Variants in SDHB observed in about 807,000 individuals in gnomAD.
SDHB encodes the protein succinate dehydrogenase complex iron sulfur subunit B.
In SDHB, 21 loss-of-function variants were observed where a neutral mutation model predicts 39.7. The observed-to-expected ratio is 0.53, with a 90% CI of 0.37 to 0.76. The LOEUF is 0.76. Among genes scored for constraint, SDHB ranks in the 30% least tolerant of loss-of-function variants. The pLI is 0.00. For synonymous variants in SDHB, 118 were observed against 117.0 expected (o/e 1.01, Z -0.06); for missense variants, 343 against 350.9 (o/e 0.98, Z 0.18).
intron 3 of SDHB, among the ~76,000 whole-genome samples, chr1:17,029,093 GTTTTTT>G (rs746243819): frequency 2.8e-4 from 20 of 72,026 alleles, no homozygotes; most frequent in East Asian, 5.3e-4. Context: ...AAATCAGCCT[GTTTTTT>G]TTTTTTTTTT....
intron 2 of SDHB, among the ~76,000 whole-genome samples, chr1:17,034,035 A>G (rs552484231): frequency 1.3e-5 from 2 of 152,342 alleles, no homozygotes; most frequent in African/African-American, 2.4e-5. Flanking sequence ...AGTGCTCCAC[A>G]AATCTATTTT....
intron 5 of SDHB, 41 bp from the exon 6 acceptor site, chr1:17,024,115 G>A (rs1314955071): frequency 2.9e-6 from 4 of 1,383,230 alleles, no homozygotes; most frequent in East Asian, 4.6e-5. Flanking sequence ...TGTGACGGGA[G>A]AGACTCTGCT....
At chr1:17,026,875 C>T (rs1011979422) in intron 5 of SDHB, among the ~76,000 whole-genome samples, 1 of 152,200 alleles carries the variant, frequency 6.6e-6, no homozygotes, top group Non-Finnish European at 1.5e-5. Flanking sequence ...AGGTGATCCT[C>T]CTACCTCAGC....
In SDHB at chr1:17,035,576, G is replaced by A. The variant is rs145445185; in HGVS notation, c.201-2431C>T. On this transcript the variant is annotated intron_variant, in intron 2 of 7. Transcript: ENST00000375499. ...CCTATAAAAATTTCAAATTGGCCAGGTGGGTGGCTCACGCCTGTAATCCCA... is the reference window on the plus strand; with the variant it reads ...CCTATAAAAATTTCAAATTGGCCAGATGGGTGGCTCACGCCTGTAATCCCA... Among the ~76,000 whole-genome samples the A allele has an allele frequency of 2.6e-3, 392 of 152,172 alleles. 1 individual carries two copies. The highest frequency in any genetic ancestry group is 9.1e-3 in the African/African-American group (378 of 41,520).
At chr1:17,033,736 G>A (rs2078035039) in intron 2 of SDHB, among the ~76,000 whole-genome samples, 1 of 152,252 alleles carries the variant, frequency 6.6e-6, no homozygotes, top group Non-Finnish European at 1.5e-5. Context: ...TTACCAGCTT[G>A]CAGGCAAATG....
At chr1:17,050,850 T>C (rs2078142615) in intron 1 of SDHB, among the ~76,000 whole-genome samples, 1 of 152,206 alleles carries the variant, frequency 6.6e-6, no homozygotes, top group South Asian at 2.1e-4. Context: ...AAAAATTCGT[T>C]GAATACATAT....
intron 7 of SDHB, among the ~76,000 whole-genome samples, chr1:17,020,886 T>A (rs1557738825): frequency 2.0e-5 from 3 of 152,154 alleles, no homozygotes; most frequent in African/African-American, 4.8e-5. Context: ...ACAGAGGGTT[T>A]CCAGGCAAAA....
rs397835910 is a variant in SDHB, at chr1:17,049,647, C to CTTTTTTTTTTTTTTTTT, written c.72+4284_72+4300dup. ...GGGACTGGAGCATAATCCCCTAGTT[C>CTTTTTTTTTTTTTTTTT]TTTTTTTTTTTTTTTTTTTTTTTTT... On this transcript the variant is annotated intron_variant, in intron 1 of 7. Transcript: ENST00000375499. Among the ~76,000 whole-genome samples the CTTTTTTTTTTTTTTTTT allele has an allele frequency of 1.1e-3, 59 of 52,064 alleles. 9 individuals are homozygous for CTTTTTTTTTTTTTTTTT. Among genetic ancestry groups the CTTTTTTTTTTTTTTTTT allele is most frequent in the African/African-American group, 3.0e-3 (31 of 10,176 alleles). The allele number at this position is 52,064 out of a possible 152,430, so 34.2% of individuals were successfully genotyped here.
chr1:17,020,030 T>C (rs2077952076), intron 7 of SDHB, among the ~76,000 whole-genome samples: 1 of 152,148 alleles, frequency 6.6e-6, no homozygotes, highest in Admixed American at 6.5e-5. Flanking sequence ...ATAAATGTGA[T>C]ATAAGAAAGA....
intron 2 of SDHB, among the ~76,000 whole-genome samples, chr1:17,039,387 T>C (rs2078066921): frequency 8.0e-6 from 1 of 125,186 alleles, no homozygotes; most frequent in South Asian, 2.5e-4. Flanking sequence ...GAGACCAGTG[T>C]GGGCAACATA....
chr1:17,021,750 CAA>C (rs769819005), intron 7 of SDHB, among the ~76,000 whole-genome samples: 4 of 139,468 alleles, frequency 2.9e-5, no homozygotes, highest in Admixed American at 1.4e-4. Context: ...ACTCTGTCTC[CAA>C]AAAAAAAAAA....
chr1:17,027,384 A>G (rs1004666310), intron 5 of SDHB, among the ~76,000 whole-genome samples: 4 of 152,182 alleles, frequency 2.6e-5, no homozygotes, highest in African/African-American at 7.2e-5. Context: ...GGTAGTTACA[A>G]CTGGCCAGCA....
At chr1:17,020,149 A>C (rs1470246844) in intron 7 of SDHB, among the ~76,000 whole-genome samples, 1 of 152,166 alleles carries the variant, frequency 6.6e-6, no homozygotes, top group African/African-American at 2.4e-5. Context: ...GAGAATTTTC[A>C]CTGTATATCC....
intron 3 of SDHB, among the ~76,000 whole-genome samples, chr1:17,030,896 G>A (rs1281955524): frequency 6.6e-6 from 1 of 151,498 alleles, no homozygotes; most frequent in Non-Finnish European, 1.5e-5. Flanking sequence ...TGGTCAGGCT[G>A]GTCTCGAACT....
chr1:17,023,533 C>T (rs2077974762), intron 6 of SDHB, among the ~76,000 whole-genome samples: 1 of 152,214 alleles, frequency 6.6e-6, no homozygotes. Flanking sequence ...ATACTATTTT[C>T]TTTCTAAGCA....
chr1:17,046,644 A>C (rs984719676), intron 1 of SDHB, among the ~76,000 whole-genome samples: 2 of 152,182 alleles, frequency 1.3e-5, no homozygotes, highest in African/African-American at 4.8e-5. Flanking sequence ...TTCACTCAAC[A>C]TAATGCTTCT....
intron 4 of SDHB, among the ~76,000 whole-genome samples, chr1:17,028,338 G>T (rs2078002912): frequency 6.6e-6 from 1 of 152,176 alleles, no homozygotes; most frequent in African/African-American, 2.4e-5. Context: ...GGATTTTCTA[G>T]GCGTTTATCT....
chr1:17,044,680 C>T (rs1239212581), intron 2 of SDHB, 81 bp downstream of exon 2: 24 of 1,503,988 alleles, frequency 1.6e-5, no homozygotes, highest in Non-Finnish European at 2.0e-5. Context: ...GATTTTTAAG[C>T]CTTCCAAGGA....
chr1:17,036,523 T>C (rs1442099715), intron 2 of SDHB, among the ~76,000 whole-genome samples: 2 of 151,846 alleles, frequency 1.3e-5, no homozygotes, highest in African/African-American at 4.8e-5. Context: ...GCCCATATAA[T>C]TTGTTCCTAA....
Sources: gnomAD v4.1 joint callset for allele counts (sites outside exome capture counted in the v4.1 genomes callset) on GRCh38, gnomAD v4.1.1 for gene constraint, MANE v1.5 for transcripts, NCBI Gene and HGNC (gene_info 2026-07-23, HGNC 2026-07-21) for gene names.